The following PKHD1 variants were observed in gnomAD, a reference collection of about 807,000 sequenced individuals.
PKHD1 encodes the protein fibrocystin.
A neutral mutation model predicts 412.0 loss-of-function variants in PKHD1; 291 were observed. The observed-to-expected ratio is 0.71, with a 90% CI of 0.64 to 0.78. The LOEUF (loss-of-function observed/expected upper bound fraction) is 0.78. Ranked by LOEUF, PKHD1 falls within the 30% of genes least tolerant of loss-of-function variation. The probability of loss-of-function intolerance (pLI) is 0.00; values close to 1 mark genes in which losing one functional copy is unlikely to be tolerated. For synonymous variants in PKHD1, 1,777 were observed against 1,821.5 expected (o/e 0.98, Z 0.62); for missense variants, 4,825 against 4,950.7 (o/e 0.97, Z 0.76).
At chr6:52,000,406 GA>G (rs35054156) in intron 35 of PKHD1, among the ~76,000 whole-genome samples, 2 of 151,266 alleles carry the variant, frequency 1.3e-5, no homozygotes, top group Admixed American at 6.6e-5. Flanking sequence ...GAAAGGCTCA[GA>G]AAAAAAATGT....
In PKHD1 at chr6:51,702,538, C is replaced by T. The variant is rs1230218125; in HGVS notation, c.10156+41847G>A. Among the ~76,000 whole-genome samples, 6 of 151,982 alleles carry T rather than the reference C, an allele frequency of 3.9e-5. No homozygotes were observed. In the East Asian group the frequency reaches 5.8e-4, roughly 15 times the overall value. On this transcript the variant is annotated intron_variant, in intron 60 of 66. Transcript: ENST00000371117. ...TCACAAATCACCTCTAAAGGACTTA[C>T]TCATGTAACCAAATACCAACTGTTC...
chr6:52,053,172 G>C lies in PKHD1; in HGVS notation c.2044C>G (p.Pro682Ala). The change falls in exon 21 of 67, where the codon CCA (proline) becomes GCA (alanine). Residue 682 changes from proline (P) to alanine (A), a missense_variant. Transcript: ENST00000371117. The stretch of plus-strand genomic sequence containing the variant: ...AGGTTGATCTGATGAACCAGCACTG[G>C]GGAGTTTGCCGGAGGGGGCTGGAGA... Reference protein sequence around the residue: ...GDLQPPPANSPVLVHQINLLP... With the variant: ...GDLQPPPANSAVLVHQINLLP... 1 of 1,614,172 alleles carries C rather than the reference G, an allele frequency of 6.2e-7. No individual in the cohort carries two copies. The highest frequency in any genetic ancestry group is 1.1e-5 in the South Asian group (1 of 91,080).
At chr6:51,655,020 C>T (rs1213614417) in intron 61 of PKHD1, among the ~76,000 whole-genome samples, 5 of 152,008 alleles carry the variant, frequency 3.3e-5, no homozygotes, top group African/African-American at 9.7e-5. Context: ...CACAAAGCCA[C>T]ACATATGAAA....
At chr6:52,047,239 CAT>C (rs1270032838) in intron 23 of PKHD1, among the ~76,000 whole-genome samples, 6 of 152,156 alleles carry the variant, frequency 3.9e-5, no homozygotes, top group Non-Finnish European at 8.8e-5. Flanking sequence ...TAATGAGCCT[CAT>C]AGAGGCAGGG....
At chr6:51,642,930 T>G (rs991970698) in intron 63 of PKHD1, among the ~76,000 whole-genome samples, 6 of 152,198 alleles carry the variant, frequency 3.9e-5, no homozygotes, top group African/African-American at 1.2e-4. Context: ...ATGTAAGGCA[T>G]GAGTATGGGT....
chr6:52,036,919 G>C (rs1804044945), intron 27 of PKHD1, among the ~76,000 whole-genome samples: 1 of 152,026 alleles, frequency 6.6e-6, no homozygotes, highest in South Asian at 2.1e-4. Context: ...AACAGAATTT[G>C]TACTTAAATT....
chr6:51,792,809 C>A (rs1326563), intron 52 of PKHD1, among the ~76,000 whole-genome samples: 80,628 of 151,980 alleles, frequency 0.53, 22,423 homozygotes, highest in East Asian at 0.83. Flanking sequence ...CTCACTGGCT[C>A]CACCACTCTC....
intron 66 of PKHD1, among the ~76,000 whole-genome samples, chr6:51,626,018 A>G (rs916968233): frequency 2.0e-5 from 3 of 152,174 alleles, no homozygotes; most frequent in East Asian, 1.9e-4. Context: ...ATACGATGGG[A>G]AAATTGAAAA....
At chr6:51,927,679 A>AT (rs1318537676) in intron 37 of PKHD1, among the ~76,000 whole-genome samples, 1 of 152,222 alleles carries the variant, frequency 6.6e-6, no homozygotes, top group Admixed American at 6.5e-5. Flanking sequence ...ATGTCTGCAT[A>AT]TGCAGCCTAT....
At chr6:52,071,813 A>G (rs1341671592) in intron 8 of PKHD1, among the ~76,000 whole-genome samples, 1 of 152,126 alleles carries the variant, frequency 6.6e-6, no homozygotes, top group Non-Finnish European at 1.5e-5. Context: ...TACTCCCAAG[A>G]TTATTGGGTG....
At chr6:51,784,549 G>A (rs770995491) in intron 53 of PKHD1, among the ~76,000 whole-genome samples, 1 of 152,078 alleles carries the variant, frequency 6.6e-6, no homozygotes, top group Non-Finnish European at 1.5e-5. Context: ...CATGTCTCTG[G>A]AATTTCCATA....
In PKHD1 at chr6:51,870,544, A is replaced by G. The variant is rs777031438; in HGVS notation, c.7446T>C (p.Cys2482=). The change falls in exon 47 of 67, where the codon TGT becomes TGC. Residue 2482 remains cysteine (C), a synonymous_variant. Coordinates refer to ENST00000371117, the MANE Select transcript of PKHD1 (RefSeq NM_138694.4). ...AGTCTGAACAGGTTCTAATGGCCAC[A>G]CAGTTGATGAGATCAAAATTAACAA... ...TTFVNFDLIN[C]VAIRTCSDCS... The G allele has an allele frequency of 1.2e-5, 20 of 1,612,074 alleles. No homozygotes were observed.
At chr6:52,074,269 G>C (rs1186134539) in intron 6 of PKHD1, among the ~76,000 whole-genome samples, 2 of 152,152 alleles carry the variant, frequency 1.3e-5, no homozygotes, top group Non-Finnish European at 2.9e-5. Flanking sequence ...CCTTCCTACT[G>C]CACTTGTGTG....
chr6:51,651,785 G>A (rs1771019899), intron 61 of PKHD1, among the ~76,000 whole-genome samples: 1 of 152,190 alleles, frequency 6.6e-6, no homozygotes, highest in South Asian at 2.1e-4. Flanking sequence ...GCAATGATGG[G>A]CCACTTATAT....
At chr6:51,660,143 AAAT>A (rs1772603236) in intron 60 of PKHD1, among the ~76,000 whole-genome samples, 174 bp from the exon 61 acceptor site, 2 of 152,130 alleles carry the variant, frequency 1.3e-5, no homozygotes. Context: ...TTTAAAAATT[AAAT>A]AATAGTTCTT....
At chr6:51,664,724 G>A (rs539974991) in intron 60 of PKHD1, among the ~76,000 whole-genome samples, 78 of 152,192 alleles carry the variant, frequency 5.1e-4, no homozygotes, top group African/African-American at 1.9e-3. Flanking sequence ...TTTAAACTTA[G>A]CCAATTACCT....
At chr6:51,832,587 C>T (rs1023320782) in intron 51 of PKHD1, among the ~76,000 whole-genome samples, 19 of 151,858 alleles carry the variant, frequency 1.3e-4, no homozygotes, top group African/African-American at 4.1e-4. Context: ...TCTCTGTGGT[C>T]TCCAGATGGA....
intron 45 of PKHD1, 100 bp from the exon 46 acceptor site, chr6:51,883,327 C>A: frequency 1.8e-6 from 2 of 1,108,122 alleles, no homozygotes; most frequent in Non-Finnish European, 2.7e-6. Flanking sequence ...AAGAAGCATG[C>A]TATATTGTAT....
intron 55 of PKHD1, among the ~76,000 whole-genome samples, chr6:51,758,115 G>A (rs1382021340): frequency 6.6e-6 from 1 of 151,266 alleles, no homozygotes; most frequent in Non-Finnish European, 1.5e-5. Flanking sequence ...AATGTTCTAG[G>A]AATTATTAAA....
Sources: gnomAD v4.1 joint callset for allele counts (sites outside exome capture counted in the v4.1 genomes callset) on GRCh38, gnomAD v4.1.1 for gene constraint, MANE v1.5 for transcripts, NCBI Gene and HGNC (gene_info 2026-07-23, HGNC 2026-07-21) for gene names.